The following CYP19A1 variants were observed in gnomAD, a reference collection of about 807,000 sequenced individuals.
CYP19A1 encodes the protein aromatase.
A neutral mutation model predicts 44.4 loss-of-function variants in CYP19A1; 32 were observed. The ratio of observed to expected loss-of-function variants is 0.72; its 90% CI spans 0.54 to 0.97. The LOEUF is 0.97. Ranked by LOEUF, CYP19A1 falls within the 50% of genes least tolerant of loss-of-function variation. CYP19A1 has a pLI of 0.00. For synonymous variants in CYP19A1, 212 were observed against 215.6 expected, an observed-to-expected ratio of 0.98 and a Z score of 0.14; for missense variants, 598 against 637.8, an observed-to-expected ratio of 0.94 and a Z score of 0.67.
At chr15:51,245,231 G>C (rs898704551) in intron 1 of CYP19A1, among the ~76,000 whole-genome samples, 3 of 152,182 alleles carry the variant, frequency 2.0e-5, no homozygotes, top group Non-Finnish European at 2.9e-5. Context: ...ATGTTTAACA[G>C]AGTTAAGAAG....
At chr15:51,212,653 T>C (rs898554956) in intron 8 of CYP19A1, 92 bp from the exon 9 acceptor site, 39 of 861,802 alleles carry the variant, frequency 4.5e-5, no homozygotes, top group Admixed American at 2.4e-4. Context: ...CAGAACCGTT[T>C]GCTCTTGGTT....
intron 1 of CYP19A1, among the ~76,000 whole-genome samples, chr15:51,297,850 A>ACC (rs2036030352): frequency 6.6e-6 from 1 of 151,410 alleles, no homozygotes; most frequent in African/African-American, 2.4e-5. Context: ...ACACACACAC[A>ACC]CACACACACA....
intron 5 of CYP19A1, chr15:51,221,608 T>C (rs2032084150): frequency 6.6e-6 from 1 of 152,234 alleles, no homozygotes; most frequent in Non-Finnish European, 1.5e-5. Flanking sequence ...CTAGCTGAAA[T>C]ATTGGCATTT....
rs2030811626 is a variant in CYP19A1, at chr15:51,210,362, A to G, written c.*446T>C. On this transcript the variant is annotated 3_prime_UTR_variant, in exon 10 of 10. Transcript: ENST00000396402. ...AAATTAAAGTACTTTAATTCACACT[A>G]GCAGGTGGGTTTGGCCCCAGGTACC... 1 of 492,502 alleles carries G rather than the reference A, an allele frequency of 2.0e-6. No individual in the cohort carries two copies. The highest frequency in any genetic ancestry group is 2.3e-5 in the Admixed American group (1 of 43,420). The allele number at this position is 492,502 out of a possible 1,614,324, so 30.5% of individuals were successfully genotyped here.
chr15:51,300,346 C>T (rs17523880), intron 1 of CYP19A1, among the ~76,000 whole-genome samples: 6 of 152,132 alleles, frequency 3.9e-5, no homozygotes, highest in South Asian at 2.1e-4. Context: ...CTACAACTCA[C>T]GAGAGGGCCG....
intron 1 of CYP19A1, among the ~76,000 whole-genome samples, chr15:51,244,477 A>G (rs1048529708): frequency 2.0e-5 from 3 of 151,954 alleles, no homozygotes; most frequent in African/African-American, 7.3e-5. Context: ...TTTTTTTTTA[A>G]TATATATAAG....
chr15:51,308,736 C>T (rs2036258620), intron 1 of CYP19A1, among the ~76,000 whole-genome samples: 1 of 152,186 alleles, frequency 6.6e-6, no homozygotes, highest in African/African-American at 2.4e-5. Flanking sequence ...TTCTAGTCTA[C>T]AATTTGCCAG....
At chr15:51,240,894 T>G (rs1426034115) in intron 2 of CYP19A1, among the ~76,000 whole-genome samples, 2 of 152,172 alleles carry the variant, frequency 1.3e-5, no homozygotes, top group South Asian at 2.1e-4. Context: ...GTCATAGTGT[T>G]TTGTCTGGGC....
chr15:51,272,943 C>A (rs2035181242), intron 1 of CYP19A1, among the ~76,000 whole-genome samples: 1 of 151,988 alleles, frequency 6.6e-6, no homozygotes, highest in East Asian at 1.9e-4. Flanking sequence ...ATGGGAGGGA[C>A]CATTTTTCCA....
chr15:51,257,880 G>A (rs891140524), intron 1 of CYP19A1, among the ~76,000 whole-genome samples: 6 of 152,110 alleles, frequency 3.9e-5, no homozygotes, highest in African/African-American at 1.2e-4. Flanking sequence ...TGTACATACT[G>A]GTAAATGTAC....
chr15:51,269,321 T>C (rs1298423786), intron 1 of CYP19A1, among the ~76,000 whole-genome samples: 1 of 152,174 alleles, frequency 6.6e-6, no homozygotes, highest in Non-Finnish European at 1.5e-5. Context: ...TTATTAAAAA[T>C]TGGCAATATA....
chr15:51,228,051 A>G lies in CYP19A1; in HGVS notation c.297-118T>C, dbSNP rs944252652. The G allele has an allele frequency of 2.3e-5, 17 of 751,076 alleles. No homozygotes were observed. In the South Asian group the frequency reaches 2.4e-4, roughly 10 times the overall value. 46.5% of individuals were successfully genotyped at this position (751,076 alleles called of 1,614,324 possible). On this transcript the variant is annotated intron_variant, in intron 3 of 9. Coordinates refer to ENST00000396402, the MANE Select transcript of CYP19A1 (RefSeq NM_000103.4). ...GCATGTTGCTCCAAATGCAATGTGC[A>G]TGATTTCTAGTATTCGGGTTGAATA...
At chr15:51,297,838 A>ACACG (rs1566917248) in intron 1 of CYP19A1, among the ~76,000 whole-genome samples, 1 of 150,370 alleles carries the variant, frequency 6.7e-6, no homozygotes, top group African/African-American at 2.4e-5. Flanking sequence ...ACACACACAC[A>ACACG]CACACACACA....
At chr15:51,243,172 A>G in intron 1 of CYP19A1, 1 of 458,676 alleles carries the variant, frequency 2.2e-6, no homozygotes, top group Non-Finnish European at 4.0e-6. Flanking sequence ...GTAGAGTCTC[A>G]GGTTCCTTTA....
chr15:51,220,380 G>C (rs1482915940), intron 5 of CYP19A1, among the ~76,000 whole-genome samples: 1 of 152,158 alleles, frequency 6.6e-6, no homozygotes, highest in Non-Finnish European at 1.5e-5. Flanking sequence ...TCACTCACTG[G>C]AATGTAAGCC....
chr15:51,262,629 C>G (rs1464147708), intron 1 of CYP19A1, among the ~76,000 whole-genome samples: 1 of 152,232 alleles, frequency 6.6e-6, no homozygotes, highest in Non-Finnish European at 1.5e-5. Context: ...TCCTCACTCC[C>G]CCAGTGCTAG....
intron 1 of CYP19A1, among the ~76,000 whole-genome samples, chr15:51,266,312 T>G (rs2034915882): frequency 6.6e-6 from 1 of 152,218 alleles, no homozygotes; most frequent in South Asian, 2.1e-4. Context: ...GAGGTTAAAC[T>G]ATGTACCCAA....
intron 1 of CYP19A1, among the ~76,000 whole-genome samples, chr15:51,303,876 G>A (rs1478718470): frequency 6.6e-6 from 1 of 152,118 alleles, no homozygotes; most frequent in African/African-American, 2.4e-5. Context: ...GAAAATCCCG[G>A]GCTGAGGATG....
chr15:51,210,322 C>T lies in CYP19A1; in HGVS notation c.*486G>A, dbSNP rs949359029. 8 of 472,590 alleles carry T rather than the reference C, an allele frequency of 1.7e-5. No homozygotes were observed. The highest frequency in any genetic ancestry group is 3.9e-5 in the African/African-American group (2 of 50,642). 29.3% of individuals were successfully genotyped at this position (472,590 alleles called of 1,614,324 possible). A position where few individuals can be genotyped will look rare whatever the true frequency, so the allele number is the denominator to read the frequency against. ...AAAGACTATGAATGTTGCTTTTCCA[C>T]CTCCACAGAAAACAAAATTAAAGTA... On this transcript the variant is annotated 3_prime_UTR_variant, in exon 10 of 10. Transcript: ENST00000396402.
Sources: allele counts gnomAD v4.1 joint callset (sites outside exome capture counted in the v4.1 genomes callset), GRCh38; gene constraint gnomAD v4.1.1; transcripts MANE v1.5; gene names NCBI Gene and HGNC (gene_info 2026-07-23, HGNC 2026-07-21).